The following USH2A variants were observed in gnomAD, a reference collection of about 807,000 sequenced individuals.
The protein encoded by USH2A is Usher syndrome 2A (autosomal recessive, mild).
A neutral mutation model predicts 538.9 loss-of-function variants in USH2A; 443 were observed. The ratio of observed to expected loss-of-function variants is 0.82; its 90% confidence interval spans 0.76 to 0.89. The LOEUF is 0.89. USH2A is among the 40% of genes least tolerant of loss of function. The pLI is 0.00. For synonymous variants in USH2A, 2,413 were observed against 2,273.5 expected (o/e 1.06, Z -1.75); for missense variants, 6,633 against 6,324.8 (o/e 1.05, Z -1.65).
chr1:216,370,145 G>T lies in USH2A; in HGVS notation c.652-5060C>A, dbSNP rs1470907551. On this transcript the variant is annotated intron_variant, in intron 3 of 71. Transcript: ENST00000307340. ...AGGCCGAGGTGGGCGGATCACTTGA[G>T]GTGAAAAGTTCTAGACCAGCCTGGC... 2.0e-5 allele frequency among the ~76,000 whole-genome samples: 3 copies of T among 152,010 alleles called. No individual in the cohort carries two copies. In the East Asian group the frequency reaches 5.8e-4, roughly 30 times the overall value.
intron 21 of USH2A, among the ~76,000 whole-genome samples, chr1:216,155,850 T>C (rs2102624365): frequency 6.6e-6 from 1 of 152,338 alleles, no homozygotes; most frequent in Middle Eastern, 3.4e-3. Context: ...TGCTAATTCT[T>C]ATAAGGAAGA....
chr1:215,798,586 CATT>C (rs1177034162), intron 50 of USH2A, among the ~76,000 whole-genome samples: 4 of 151,912 alleles, frequency 2.6e-5, no homozygotes, highest in African/African-American at 9.7e-5. Context: ...AACAAAATAT[CATT>C]ATAATAATTT....
At chr1:215,969,146 A>G (rs1272422423) in intron 36 of USH2A, among the ~76,000 whole-genome samples, 3 of 152,194 alleles carry the variant, frequency 2.0e-5, no homozygotes, top group Non-Finnish European at 4.4e-5. Flanking sequence ...CTAAATAAAG[A>G]CATTGCTCTT....
chr1:216,043,163 G>A (rs2030362507), intron 32 of USH2A, among the ~76,000 whole-genome samples: 1 of 151,612 alleles, frequency 6.6e-6, no homozygotes, highest in South Asian at 2.1e-4. Flanking sequence ...GAAATTAAAA[G>A]CAGAGGATTT....
chr1:216,296,987 G>T (rs1405125338), intron 9 of USH2A, among the ~76,000 whole-genome samples: 2 of 151,726 alleles, frequency 1.3e-5, no homozygotes, highest in African/African-American at 4.8e-5. Context: ...ACTCTCATTT[G>T]ATGAGTATAC....
At chr1:216,181,433 T>C (rs1215547668) in intron 20 of USH2A, among the ~76,000 whole-genome samples, 1 of 152,098 alleles carries the variant, frequency 6.6e-6, no homozygotes, top group Non-Finnish European at 1.5e-5. Flanking sequence ...GCCACCTTGT[T>C]CCTTTACCTT....
At chr1:216,256,730 C>T (rs1174560579) in intron 11 of USH2A, among the ~76,000 whole-genome samples, 2 of 151,852 alleles carry the variant, frequency 1.3e-5, no homozygotes, top group African/African-American at 2.4e-5. Flanking sequence ...TATGATTGTC[C>T]TAAAGATTCT....
intron 32 of USH2A, among the ~76,000 whole-genome samples, chr1:216,033,888 A>G (rs560126374): frequency 1.3e-5 from 2 of 152,326 alleles, no homozygotes; most frequent in Admixed American, 6.5e-5. Context: ...AAGGAGGAGT[A>G]ATCAAAGATT....
At chr1:216,410,088 T>C (rs1207460261) in intron 3 of USH2A, among the ~76,000 whole-genome samples, 2 of 152,020 alleles carry the variant, frequency 1.3e-5, no homozygotes, top group Non-Finnish European at 2.9e-5. Context: ...GACATACATG[T>C]GGCCAACAAG....
rs1661138382 is a variant in USH2A at position 215,766,717 on chromosome 1, G to C, written c.11011C>G (p.Pro3671Ala). 1 of 1,613,588 alleles carries C rather than the reference G, an allele frequency of 6.2e-7. No homozygotes were observed. Reference protein sequence around the residue: ...CTSAGCTSSEPFLGQTLQAAP... With the variant: ...CTSAGCTSSEAFLGQTLQAAP... ...GCCTGCAGTGTCTGACCTAGAAAAG[G>C]CTCGCTTGAAGTGCACCCAGCAGAT... The change falls in exon 56 of 72, where the codon CCT becomes GCT. Residue 3671 changes from proline to alanine, a missense_variant. Transcript: ENST00000307340.
chr1:216,207,435 A>C lies in USH2A; in HGVS notation c.3158-4T>G. The stretch of plus-strand genomic sequence containing the variant: ...GGCGGAGGTTGCTGGAATGGAGCTA[A>C]ATTACAATGAAGAGAGCATTTATTA... On this transcript the variant is annotated splice_polypyrimidine_tract_variant and splice_region_variant and intron_variant, in intron 15 of 71. Coordinates refer to ENST00000307340, the MANE Select transcript of USH2A (RefSeq NM_206933.4). The C allele has an allele frequency of 4.3e-6, 7 of 1,613,978 alleles. No individual in the cohort carries two copies. Among genetic ancestry groups the C allele is most frequent in the Non-Finnish European group, 5.9e-6 (7 of 1,179,918 alleles).
At chr1:216,004,932 A>G (rs540211536) in intron 32 of USH2A, among the ~76,000 whole-genome samples, 1 of 152,302 alleles carries the variant, frequency 6.6e-6, no homozygotes, top group Admixed American at 6.5e-5. Flanking sequence ...AGATGGTAGC[A>G]GAGTCTATGG....
chr1:216,382,988 C>T (rs1368033747), intron 3 of USH2A, among the ~76,000 whole-genome samples: 3 of 152,062 alleles, frequency 2.0e-5, no homozygotes, highest in Non-Finnish European at 4.4e-5. Flanking sequence ...GAATATTCAG[C>T]TAAGAAAAGC....
At chr1:216,023,278 G>C (rs1668881131) in intron 32 of USH2A, among the ~76,000 whole-genome samples, 1 of 151,666 alleles carries the variant, frequency 6.6e-6, no homozygotes, top group South Asian at 2.1e-4. Flanking sequence ...CTTGTGCTTT[G>C]GGACTCTATG....
chr1:216,239,216 A>G (rs1222551331), intron 13 of USH2A, among the ~76,000 whole-genome samples: 5 of 152,174 alleles, frequency 3.3e-5, no homozygotes, highest in Non-Finnish European at 5.9e-5. Flanking sequence ...TGGGCTATGA[A>G]TATGTGCAGA....
intron 21 of USH2A, chr1:216,174,887 A>G: frequency 9.3e-7 from 1 of 1,078,448 alleles, no homozygotes; most frequent in Non-Finnish European, 1.1e-6. Flanking sequence ...CATACTGAGA[A>G]TCTCCAATAG....
intron 3 of USH2A, among the ~76,000 whole-genome samples, chr1:216,410,459 C>T (rs2039469454): frequency 6.6e-6 from 1 of 152,062 alleles, no homozygotes; most frequent in Admixed American, 6.6e-5. Flanking sequence ...CCTAAATGCT[C>T]ATCAATGGTA....
intron 61 of USH2A, among the ~76,000 whole-genome samples, chr1:215,682,038 C>T (rs1658248622): frequency 6.6e-6 from 1 of 152,088 alleles, no homozygotes; most frequent in Non-Finnish European, 1.5e-5. Flanking sequence ...AAATATAGCA[C>T]AGAACTAGAA....
Position 215,793,452 on chromosome 1 carries a change from A to G in USH2A, c.9959-3170T>C, listed in dbSNP as rs79657102. 2.4e-4 allele frequency among the ~76,000 whole-genome samples: 37 copies of G among 152,274 alleles called. 1 individual carries two copies. The East Asian group carries it at 3.3e-3, about 14-fold the overall frequency. ...GCAGAGCATGAAAGAAAAGAAATTC[A>G]CACTTGTCTTCACCAGTAGATGGCT... On this transcript the variant is annotated intron_variant, in intron 50 of 71. Coordinates refer to ENST00000307340, the MANE Select transcript of USH2A (RefSeq NM_206933.4).
Sources: allele counts gnomAD v4.1 joint callset (sites outside exome capture counted in the v4.1 genomes callset), GRCh38; gene constraint gnomAD v4.1.1; transcripts MANE v1.5; gene names NCBI Gene and HGNC (gene_info 2026-07-23, HGNC 2026-07-21).